The following PCDHGA3 variants were observed in gnomAD, a reference collection of about 807,000 sequenced individuals.
PCDHGA3 encodes protocadherin gamma subfamily A, 3, also known as protocadherin gamma-A3.
In PCDHGA3, 40 loss-of-function variants were observed where a neutral mutation model predicts 58.5. The ratio of observed to expected loss-of-function variants is 0.68; its 90% CI spans 0.53 to 0.89. The LOEUF (loss-of-function observed/expected upper bound fraction) is 0.89, where lower values mean the gene tolerates loss of function less well. Among genes scored for constraint, PCDHGA3 ranks in the 40% least tolerant of loss-of-function variants. The pLI, the probability that PCDHGA3 is intolerant of heterozygous loss-of-function variation, is 0.00. For synonymous variants in PCDHGA3, 530 were observed against 525.7 expected (o/e 1.01, Z -0.11); for missense variants, 1,223 against 1,195.9 (o/e 1.02, Z -0.33).
At chr5:141,417,003 A>T (rs1444236854) in intron 1 of PCDHGA3, 1 of 150,264 alleles carries the variant, frequency 6.7e-6, no homozygotes, top group African/African-American at 2.5e-5. Flanking sequence ...CATCTCAAAT[A>T]ATTCTATTAT....
At chr5:141,402,827 G>C in intron 1 of PCDHGA3, 10 of 1,330,136 alleles carry the variant, frequency 7.5e-6, no homozygotes, top group Non-Finnish European at 9.9e-6. Context: ...CTGCTCCCAG[G>C]CTGCAGCAAA....
intron 1 of PCDHGA3, chr5:141,442,360 G>A (rs890049391): frequency 6.6e-6 from 1 of 152,272 alleles, no homozygotes; most frequent in African/African-American, 2.4e-5. Flanking sequence ...GTAGCTCTAT[G>A]ATGCCATATT....
chr5:141,351,997 G>C (rs1228319318), intron 1 of PCDHGA3: 2 of 1,610,894 alleles, frequency 1.2e-6, no homozygotes, highest in South Asian at 2.2e-5. Context: ...GCGCCGCAGA[G>C]CCCGGCTACC....
intron 1 of PCDHGA3, chr5:141,370,500 G>T (rs781752977): frequency 6.2e-7 from 1 of 1,613,922 alleles, no homozygotes; most frequent in Admixed American, 1.7e-5. Flanking sequence ...GATCCGCTAC[G>T]CTATTCCCGA....
chr5:141,360,715 T>A (rs774393413), intron 1 of PCDHGA3: 4 of 1,613,776 alleles, frequency 2.5e-6, no homozygotes, highest in Non-Finnish European at 3.4e-6. Context: ...ATATCCTGAG[T>A]TGATTCTAAA....
At chr5:141,419,775 G>C in intron 1 of PCDHGA3, 1 of 1,614,016 alleles carries the variant, frequency 6.2e-7, no homozygotes, top group Non-Finnish European at 8.5e-7. Flanking sequence ...GACTCGGTCC[G>C]CCAGCGCCTG....
intron 1 of PCDHGA3, chr5:141,361,921 G>C: frequency 6.2e-7 from 1 of 1,607,720 alleles, no homozygotes; most frequent in Non-Finnish European, 8.5e-7. Flanking sequence ...GGCGGTGGAC[G>C]CAGACTCAGG....
intron 1 of PCDHGA3, chr5:141,388,676 G>T: frequency 7.4e-6 from 12 of 1,613,944 alleles, no homozygotes; most frequent in Non-Finnish European, 1.0e-5. Context: ...TGCTACAGGT[G>T]ACTGCCACGG....
At chr5:141,350,517 G>A (rs1440079491) in intron 1 of PCDHGA3, 1 of 1,613,896 alleles carries the variant, frequency 6.2e-7, no homozygotes, top group African/African-American at 1.3e-5. Flanking sequence ...GTGAACGGTA[G>A]GATAGATCGA....
intron 1 of PCDHGA3, chr5:141,393,007 G>C: frequency 6.2e-7 from 1 of 1,613,850 alleles, no homozygotes; most frequent in Non-Finnish European, 8.5e-7. Context: ...CACGGAGTCC[G>C]TATCGTCTCC....
chr5:141,359,995 T>G, intron 1 of PCDHGA3: 1 of 1,091,948 alleles, frequency 9.2e-7, no homozygotes, highest in South Asian at 2.1e-5. Flanking sequence ...GGGAACTTCC[T>G]GCACAAACCA....
At position 141,410,475 on chromosome 5, in the gene PCDHGA3, A is replaced by G. The variant is rs185995562; in HGVS notation, c.2424+64018A>G. ...TATTCTTATAATCTGTGCATTGCAC[A>G]TACGGGTACAAAAGAGTTTAATTTC... is the stretch of plus-strand genomic sequence containing the variant. On this transcript the variant is annotated intron_variant, in intron 1 of 3. Transcript: ENST00000253812. The G allele has an allele frequency of 3.7e-6, 6 of 1,614,052 alleles. No homozygotes were observed. In the South Asian group the frequency reaches 6.6e-5, roughly 18 times the overall value.
At chr5:141,415,753 T>TG in intron 1 of PCDHGA3, 2 of 1,381,386 alleles carry the variant, frequency 1.4e-6, no homozygotes, top group Non-Finnish European at 1.9e-6. Context: ...TTTTTTTTTT[T>TG]TTTTTTTTTT....
In PCDHGA3 at chr5:141,415,152, C is replaced by G. The variant is rs758450562; in HGVS notation, c.2424+68695C>G. ...AGGACCACGGCCAGCCCCCTCTCTCCGCCACTGTCACGCTCACCGTGGCCG... is the reference window on the plus strand; with the variant it reads ...AGGACCACGGCCAGCCCCCTCTCTCGGCCACTGTCACGCTCACCGTGGCCG... On this transcript the variant is annotated intron_variant, in intron 1 of 3. Transcript: ENST00000253812. The G allele has an allele frequency of 1.9e-6, 3 of 1,613,812 alleles. No individual in the cohort carries two copies. In the Admixed American group the frequency reaches 5.0e-5, roughly 27 times the overall value.
At chr5:141,399,511 C>A (rs1252813422) in intron 1 of PCDHGA3, 1 of 1,613,924 alleles carries the variant, frequency 6.2e-7, no homozygotes, top group African/African-American at 1.3e-5. Flanking sequence ...CGAAAACAAC[C>A]CTCCTGGGGC....
chr5:141,505,363 T>A, intron 2 of PCDHGA3, 30 bp from the exon 3 acceptor site: 1 of 1,613,360 alleles, frequency 6.2e-7, no homozygotes, highest in Non-Finnish European at 8.5e-7. Context: ...GGCCTGGGAG[T>A]CTGTGCTCAC....
At chr5:141,355,372 G>A (rs554075435) in intron 1 of PCDHGA3, 1 of 1,614,030 alleles carries the variant, frequency 6.2e-7, no homozygotes, top group African/African-American at 1.3e-5. Context: ...GGCGCCCCGG[G>A]AGCTGGCGGA....
At chr5:141,376,223 C>A in intron 1 of PCDHGA3, 3 of 1,614,202 alleles carry the variant, frequency 1.9e-6, no homozygotes, top group Non-Finnish European at 2.5e-6. Context: ...GCTGCTGGCG[C>A]TCAGACTGCA....
In PCDHGA3 at chr5:141,394,383, C is replaced by G. The variant is rs2092989606; in HGVS notation, c.2424+47926C>G. The G allele has an allele frequency of 3.1e-6, 5 of 1,614,118 alleles. No homozygotes were observed. In the Admixed American group the frequency reaches 5.0e-5, roughly 16 times the overall value. ...TGCGCTGCAATCTTTCGACTATGAG[C>G]AGATCCGAGACCTGCAGCTACTGGT... On this transcript the variant is annotated intron_variant, in intron 1 of 3. Transcript: ENST00000253812.
Sources: allele counts gnomAD v4.1 joint callset, GRCh38; gene constraint gnomAD v4.1.1; transcripts MANE v1.5; gene names NCBI Gene and HGNC (gene_info 2026-07-23, HGNC 2026-07-21).